Variants in CEP85 observed in about 807,000 individuals in gnomAD.
The protein encoded by CEP85 is centrosomal protein 85.
Under a neutral mutation model 93.7 loss-of-function variants are expected in CEP85, and 58 were observed. The ratio of observed to expected loss-of-function variants is 0.62; its 90% CI spans 0.50 to 0.77. CEP85 has a LOEUF of 0.77. CEP85 is among the 30% of genes least tolerant of loss of function. The pLI is 0.00. For missense variants in CEP85, 868 were observed against 922.0 expected (o/e 0.94, Z 0.76); for synonymous variants, 314 against 338.6 (o/e 0.93, Z 0.80).
At chr1:26,257,491 C>T in intron 4 of CEP85, 106 bp from the exon 5 acceptor site, 1 of 1,362,938 alleles carries the variant, frequency 7.3e-7, no homozygotes, top group Non-Finnish European at 1.0e-6. Flanking sequence ...CCTCATCAGG[C>T]TGAGCCAAGT....
At chr1:26,250,499 C>A (rs945790950) in intron 3 of CEP85, among the ~76,000 whole-genome samples, 1 of 152,152 alleles carries the variant, frequency 6.6e-6, no homozygotes, top group Non-Finnish European at 1.5e-5. Flanking sequence ...GGTTGGGAAC[C>A]GCTGGTGTAA....
chr1:26,275,157 GC>G, intron 12 of CEP85, 86 bp downstream of exon 12: 1 of 976,290 alleles, frequency 1.0e-6, no homozygotes, highest in Non-Finnish European at 1.6e-6. Context: ...CCCAATAAGA[GC>G]CCCAGTGTTT....
chr1:26,235,567 CTTT>C lies in CEP85; in HGVS notation c.-23+1275_-23+1277del, dbSNP rs1192252673. On this transcript the variant is annotated intron_variant, in intron 1 of 13. Transcript: ENST00000451429. ...GATGTTCCACACTTAGATTGTAATT[CTTT>C]TTTTTTTTTTTTTTTTTGTGAGACG... Among the ~76,000 whole-genome samples, 110 of 95,582 alleles carry C rather than the reference CTTT, an allele frequency of 1.2e-3. 3 individuals are homozygous for C. The highest frequency in any genetic ancestry group is 4.2e-3 in the African/African-American group (96 of 22,712). 62.7% of individuals were successfully genotyped at this position (95,582 alleles called of 152,430 possible).
At chr1:26,253,631 C>T (rs534828238) in intron 3 of CEP85, among the ~76,000 whole-genome samples, 1 of 151,860 alleles carries the variant, frequency 6.6e-6, no homozygotes, top group South Asian at 2.1e-4. Flanking sequence ...CCTCATGATC[C>T]CCCCTCCTCA....
Position 26,255,838 on chromosome 1 carries a change from G to A in CEP85, c.876G>A (p.Leu292=), listed in dbSNP as rs1006177224. The stretch of plus-strand genomic sequence containing the variant: ...GCACTTGTCGGCAGCAGCTGGAATT[G>A]ATTCGTTTACAGATGGAGCAAATGC... The part of the protein sequence containing the change: ...ELSTCRQQLE[L]IRLQMEQMQL... Residue 292 remains leucine, a synonymous_variant, in exon 4 of 14, where the codon TTG becomes TTA. Transcript: ENST00000451429. 21 of 1,611,964 alleles carry A rather than the reference G, an allele frequency of 1.3e-5. No individual in the cohort carries two copies. The highest frequency in any genetic ancestry group is 1.7e-5 in the Non-Finnish European group (20 of 1,178,604).
intron 9 of CEP85, among the ~76,000 whole-genome samples, chr1:26,270,052 A>G (rs1434313357): frequency 6.6e-6 from 1 of 152,148 alleles, no homozygotes; most frequent in Non-Finnish European, 1.5e-5. Context: ...CTGGGATTAC[A>G]GGTGTGAGCC....
At chr1:26,263,429 G>T in intron 7 of CEP85, 1 of 165,756 alleles carries the variant, frequency 6.0e-6, no homozygotes, top group Non-Finnish European at 1.3e-5. Flanking sequence ...GCTCAGAACT[G>T]GGATGGTTCC....
chr1:26,255,964 T>TA, intron 4 of CEP85, 99 bp downstream of exon 4: 1 of 1,019,520 alleles, frequency 9.8e-7, no homozygotes, highest in South Asian at 1.7e-5. Context: ...AAAATAGCTG[T>TA]AAAAAGAAGG....
chr1:26,241,885 C>T (rs2089433211), intron 2 of CEP85, among the ~76,000 whole-genome samples: 1 of 152,002 alleles, frequency 6.6e-6, no homozygotes, highest in Non-Finnish European at 1.5e-5. Context: ...CCTCAGCCTC[C>T]CAAGTAGCTG....
At position 26,251,300 on chromosome 1, in the gene CEP85, G is replaced by A. The variant is rs192078527; in HGVS notation, c.209-3871G>A. Among the ~76,000 whole-genome samples the A allele has an allele frequency of 5.2e-3, 707 of 136,242 alleles. 2 individuals are homozygous for A. Among genetic ancestry groups the A allele is most frequent in the Middle Eastern group, 0.045 (8 of 176 alleles). The allele number at this position is 136,242 out of a possible 152,430, so 89.4% of individuals were successfully genotyped here. On this transcript the variant is annotated intron_variant, in intron 3 of 13. Transcript: ENST00000451429. ...GAGTTTAGCTCTTGTTGCCCAGGCTGGAGTGCAATGGTGCAATCTCGGCTC... is the reference window on the plus strand; with the variant it reads ...GAGTTTAGCTCTTGTTGCCCAGGCTAGAGTGCAATGGTGCAATCTCGGCTC...
At chr1:26,246,926 T>A (rs1326525929) in intron 3 of CEP85, among the ~76,000 whole-genome samples, 1 of 151,894 alleles carries the variant, frequency 6.6e-6, no homozygotes, top group African/African-American at 2.4e-5. Context: ...ATATCAGGGG[T>A]CTCCAACCCC....
chr1:26,246,754 AAG>A (rs1384298939), intron 3 of CEP85, among the ~76,000 whole-genome samples: 24 of 152,052 alleles, frequency 1.6e-4, no homozygotes, highest in African/African-American at 5.3e-4. Context: ...ATTATATACT[AAG>A]ACTGTATTTT....
rs1383643245 is a variant in CEP85, at chr1:26,277,569, C to A, written c.*276C>A. 4 of 315,120 alleles carry A rather than the reference C, an allele frequency of 1.3e-5. No individual in the cohort carries two copies. The South Asian group carries it at 1.8e-4, about 14-fold the overall frequency. The allele number at this position is 315,120 out of a possible 1,614,324, so 19.5% of individuals were successfully genotyped here. A position where few individuals can be genotyped will look rare whatever the true frequency, so the allele number is the denominator to read the frequency against. Reference sequence around the variant, plus strand: ...AAGTCCTCACAAACTGTTCCCAGCCCTAGGCTGACATGAGAGACGAACAGG... The same window carrying A: ...AAGTCCTCACAAACTGTTCCCAGCCATAGGCTGACATGAGAGACGAACAGG... On this transcript the variant is annotated 3_prime_UTR_variant, in exon 14 of 14. Transcript: ENST00000451429.
At chr1:26,272,629 T>G (rs1211241211) in intron 11 of CEP85, among the ~76,000 whole-genome samples, 2 of 137,284 alleles carry the variant, frequency 1.5e-5, no homozygotes, top group Admixed American at 7.2e-5. Flanking sequence ...TTTTTTTTTT[T>G]TTTTTTTTTT....
In CEP85 at chr1:26,255,381, A is replaced by T; in HGVS notation, c.419A>T (p.His140Leu). The T allele has an allele frequency of 6.2e-7, 1 of 1,614,064 alleles. No individual in the cohort carries two copies. Among genetic ancestry groups the T allele is most frequent in the Non-Finnish European group, 8.5e-7 (1 of 1,180,014 alleles). Residue 140 changes from histidine (H) to leucine (L), a missense_variant, in exon 4 of 14, where the codon CAT (histidine) becomes CTT (leucine). Transcript: ENST00000451429. Reference protein sequence around the residue: ...TRNGDLGAMKHSPGLSRDLMY... With the variant: ...TRNGDLGAMKLSPGLSRDLMY... ...AATGGAGACCTCGGTGCAATGAAAC[A>T]TTCTCCAGGCCTATCTAGAGATCTC...
At chr1:26,266,497 T>G (rs2089897568) in intron 7 of CEP85, among the ~76,000 whole-genome samples, 10 of 152,260 alleles carry the variant, frequency 6.6e-5, no homozygotes, top group Admixed American at 6.5e-4. Context: ...GGAGAAGAGA[T>G]AAACATTTAT....
intron 1 of CEP85, among the ~76,000 whole-genome samples, chr1:26,238,109 T>TA (rs1198960520): frequency 1.1e-4 from 16 of 150,824 alleles, no homozygotes; most frequent in African/African-American, 3.9e-4. Context: ...AAGAGAATAC[T>TA]ATAGAGGTCA....
At chr1:26,239,709 C>T (rs757060196) in intron 1 of CEP85, 53 bp from the exon 2 acceptor site, 19 of 1,087,998 alleles carry the variant, frequency 1.7e-5, no homozygotes, top group South Asian at 5.0e-5. Flanking sequence ...AACTGAGTTG[C>T]GGGGAATTAA....
chr1:26,267,906 T>A (rs1464711702), intron 7 of CEP85, among the ~76,000 whole-genome samples: 2 of 152,202 alleles, frequency 1.3e-5, no homozygotes, highest in Non-Finnish European at 2.9e-5. Context: ...GGCCCACTCC[T>A]GTCCAATTCA....
Sources: allele counts gnomAD v4.1 joint callset (sites outside exome capture counted in the v4.1 genomes callset), GRCh38; gene constraint gnomAD v4.1.1; transcripts MANE v1.5; gene names NCBI Gene and HGNC (gene_info 2026-07-23, HGNC 2026-07-21).